INTS6L: variants seen among roughly 807,000 people sequenced by gnomAD.
The protein encoded by INTS6L is integrator complex subunit 6 like.
A neutral mutation model predicts 64.7 loss-of-function variants in INTS6L; 18 were observed. That is an observed-to-expected ratio of 0.28 (90% CI 0.19 to 0.41). INTS6L has a LOEUF of 0.41. Among genes scored for constraint, INTS6L ranks in the 10% least tolerant of loss-of-function variants. The pLI is 1.00. For synonymous variants in INTS6L, 227 were observed against 235.9 expected (o/e 0.96, Z 0.34); for missense variants, 533 against 661.0 (o/e 0.81, Z 2.12).
At chrX:135,529,105 T>G (rs184005382) in intron 2 of INTS6L, among the ~76,000 whole-genome samples, 2 of 112,047 alleles carry the variant, frequency 1.8e-5, no homozygotes, top group Admixed American at 1.9e-4. Flanking sequence ...TGTGAATGAA[T>G]GTAACTGCAG....
intron 2 of INTS6L, among the ~76,000 whole-genome samples, chrX:135,526,546 CTA>C (rs1556501277): frequency 8.9e-6 from 1 of 111,971 alleles, no homozygotes; most frequent in Non-Finnish European, 1.9e-5. Context: ...GTTCTTTATT[CTA>C]TGTTTTCAAA....
At chrX:135,544,190 A>AT (rs1166872955) in intron 2 of INTS6L, among the ~76,000 whole-genome samples, 1 of 111,653 alleles carries the variant, frequency 9.0e-6, no homozygotes, top group African/African-American at 3.3e-5. Context: ...GTCCCTGCTT[A>AT]TCAGATCATC....
intron 9 of INTS6L, 119 bp downstream of exon 9, chrX:135,556,419 T>C (rs782124056): frequency 2.9e-5 from 19 of 651,329 alleles, no homozygotes; most frequent in Non-Finnish European, 3.0e-5. Context: ...AGGATAGAAT[T>C]TGCATACTGT....
At chrX:135,574,174 A>C in intron 13 of INTS6L, 112 bp downstream of exon 13, 1 of 904,734 alleles carries the variant, frequency 1.1e-6, no homozygotes, top group Non-Finnish European at 1.5e-6. Flanking sequence ...TTTAATGTTT[A>C]AAATGCCTGT....
At chrX:135,558,394 A>G (rs1254070224) in intron 9 of INTS6L, among the ~76,000 whole-genome samples, 2 of 112,340 alleles carry the variant, frequency 1.8e-5, no homozygotes, top group Non-Finnish European at 3.8e-5. Flanking sequence ...AAAAAAATCC[A>G]TTGATGGATA....
At position 135,559,197 on chromosome X, in the gene INTS6L, A is replaced by G. The variant is rs539866372; in HGVS notation, c.1192+2897A>G. Among the ~76,000 whole-genome samples the G allele has an allele frequency of 2.7e-5, 3 of 112,029 alleles. No individual in the cohort carries two copies. The South Asian group carries it at 1.1e-3, about 41-fold the overall frequency. Reference sequence around the variant, plus strand: ...TGCAAAACTACAGTACAGTATCACAATTGTGATATTAACATTGATGCAGTG... The same window carrying G: ...TGCAAAACTACAGTACAGTATCACAGTTGTGATATTAACATTGATGCAGTG... On this transcript the variant is annotated intron_variant, in intron 9 of 17. Coordinates refer to ENST00000639893, the MANE Select transcript of INTS6L (RefSeq NM_001351601.3).
chrX:135,581,932 T>C lies in INTS6L; in HGVS notation c.*296T>C. The C allele has an allele frequency of 4.5e-6, 1 of 222,518 alleles. No individual in the cohort carries two copies. Among genetic ancestry groups the C allele is most frequent in the Non-Finnish European group, 7.9e-6 (1 of 125,877 alleles). 18.3% of individuals were successfully genotyped at this position (222,518 alleles called of 1,213,427 possible). A position where few individuals can be genotyped will look rare whatever the true frequency, so the allele number is the denominator to read the frequency against. ...TGCCCCTACCACGGGTAATGAGAGG[T>C]CACTCACTTGAACTTTGCCATTCCA... On this transcript the variant is annotated 3_prime_UTR_variant, in exon 18 of 18. Coordinates refer to ENST00000639893, the MANE Select transcript of INTS6L (RefSeq NM_001351601.3).
chrX:135,523,402 CAAA>C (rs782434658), intron 2 of INTS6L, among the ~76,000 whole-genome samples: 3 of 36,972 alleles, frequency 8.1e-5, no homozygotes, highest in East Asian at 1.1e-3. Flanking sequence ...ACTCTGTCGT[CAAA>C]AAAAAAAAAA....
intron 10 of INTS6L, 184 bp downstream of exon 10, chrX:135,569,615 AAG>A (rs1556526611): frequency 7.3e-6 from 2 of 272,782 alleles, no homozygotes; most frequent in Non-Finnish European, 1.3e-5. Context: ...GGCGGCACAA[AAG>A]AGAGCTGTTT....
chrX:135,531,186 T>A (rs1214829667), intron 2 of INTS6L, among the ~76,000 whole-genome samples: 2 of 112,924 alleles, frequency 1.8e-5, no homozygotes, highest in Non-Finnish European at 3.7e-5. Context: ...TGTCCTTGAC[T>A]ACATTTGAAA....
chrX:135,559,552 A>G (rs1556520982), intron 9 of INTS6L, among the ~76,000 whole-genome samples: 1 of 112,254 alleles, frequency 8.9e-6, no homozygotes, highest in Non-Finnish European at 1.9e-5. Flanking sequence ...CTGTTGAAGG[A>G]CATCTGTGTT....
Position 135,577,436 on chromosome X carries a change from T to C in INTS6L, c.2119+9T>C, listed in dbSNP as rs1556531748. 1 of 1,200,358 alleles carries C rather than the reference T, an allele frequency of 8.3e-7. No individual in the cohort carries two copies. The highest frequency in any genetic ancestry group is 3.0e-5 in the East Asian group (1 of 33,686). On this transcript the variant is annotated intron_variant, in intron 15 of 17. Transcript: ENST00000639893. Reference sequence around the variant, plus strand: ...CACCCTTGTACATACAGGTATAGAGTAGTGGTTGTGATTTCCTTATGGCTC... The same window carrying C: ...CACCCTTGTACATACAGGTATAGAGCAGTGGTTGTGATTTCCTTATGGCTC...
chrX:135,546,895 A>G lies in INTS6L; in HGVS notation c.613+10A>G. On this transcript the variant is annotated intron_variant, in intron 5 of 17. Transcript: ENST00000639893. Reference sequence around the variant, plus strand: ...TGTGAAGTCACAGGAGGTATTGGCAATATTTAATGTTTCTGAAGGAAAAAT... The same window carrying G: ...TGTGAAGTCACAGGAGGTATTGGCAGTATTTAATGTTTCTGAAGGAAAAAT... 1 of 1,199,424 alleles carries G rather than the reference A, an allele frequency of 8.3e-7. No homozygotes were observed. Among genetic ancestry groups the G allele is most frequent in the Non-Finnish European group, 1.1e-6 (1 of 888,415 alleles).
At chrX:135,553,376 T>G (rs1382350523) in intron 8 of INTS6L, among the ~76,000 whole-genome samples, 2 of 109,926 alleles carry the variant, frequency 1.8e-5, no homozygotes, top group African/African-American at 3.3e-5. Flanking sequence ...CAGCTCACTG[T>G]AGCCTCGACC....
intron 2 of INTS6L, among the ~76,000 whole-genome samples, chrX:135,536,754 C>T (rs2086065386): frequency 9.0e-6 from 1 of 111,375 alleles, no homozygotes; most frequent in South Asian, 3.8e-4. Context: ...CTGAGGGATA[C>T]TAAAGTTTAG....
In INTS6L at chrX:135,573,976, T is replaced by G; in HGVS notation, c.1655T>G (p.Ile552Ser). The G allele has an allele frequency of 8.3e-7, 1 of 1,204,073 alleles. No individual in the cohort carries two copies. Among genetic ancestry groups the G allele is most frequent in the South Asian group, 1.8e-5 (1 of 54,969 alleles). The change falls in exon 13 of 18, where the codon ATT (isoleucine) becomes AGT (serine). Residue 552 changes from isoleucine to serine, a missense_variant. Coordinates refer to ENST00000639893, the MANE Select transcript of INTS6L (RefSeq NM_001351601.3). ...KPQTYRNAYD[I>S]PRRGLLDQLT... ...CAGACATACAGAAATGCTTATGATA[T>G]TCCCCGTAGAGGTCTTTTAGACCAG...
intron 2 of INTS6L, among the ~76,000 whole-genome samples, chrX:135,545,077 C>T (rs2086319939): frequency 8.9e-6 from 1 of 112,160 alleles, no homozygotes; most frequent in African/African-American, 3.2e-5. Flanking sequence ...ACTACTCCTT[C>T]CTCTGCCCCT....
intron 2 of INTS6L, among the ~76,000 whole-genome samples, chrX:135,543,932 A>G (rs2086290752): frequency 8.9e-6 from 1 of 112,335 alleles, no homozygotes; most frequent in Non-Finnish European, 1.9e-5. Flanking sequence ...GCACCTGGAA[A>G]GTTTTAACCT....
Position 135,520,750 on chromosome X carries a change from G to C in INTS6L, c.-243G>C. 5.3e-6 allele frequency: 2 copies of C among 378,130 alleles called. No individual in the cohort carries two copies. The highest frequency in any genetic ancestry group is 9.2e-6 in the Non-Finnish European group (2 of 216,712). 31.2% of individuals were successfully genotyped at this position (378,130 alleles called of 1,213,427 possible). A position where few individuals can be genotyped will look rare whatever the true frequency, so the allele number is the denominator to read the frequency against. ...AGTGGTGGCAGCAGAAGAGAGGAAG[G>C]GGGAGGGCCCCGAGGGCTACACACG... On this transcript the variant is annotated 5_prime_UTR_variant, in exon 1 of 18. Coordinates refer to ENST00000639893, the MANE Select transcript of INTS6L (RefSeq NM_001351601.3).
Sources: allele counts gnomAD v4.1 joint callset (sites outside exome capture counted in the v4.1 genomes callset), GRCh38; gene constraint gnomAD v4.1.1; transcripts MANE v1.5; gene names NCBI Gene and HGNC (gene_info 2026-07-23, HGNC 2026-07-21).